The following ZHX3 variants were observed in gnomAD, a reference collection of about 807,000 sequenced individuals.
ZHX3 encodes zinc fingers and homeoboxes protein 3.
ZHX3 carries 20 observed loss-of-function variants against 64.5 expected under a neutral mutation model. That is an observed-to-expected ratio of 0.31 (90% CI 0.22 to 0.45). The LOEUF is 0.45. ZHX3 is among the 20% of genes least tolerant of loss of function. The pLI is 1.00. For missense variants in ZHX3, 1,041 were observed against 1,195.8 expected, an observed-to-expected ratio of 0.87 and a Z score of 1.91; for synonymous variants, 423 against 461.6, an observed-to-expected ratio of 0.92 and a Z score of 1.07.
intron 2 of ZHX3, chr20:41,213,990 A>G (rs1466663420): frequency 6.6e-6 from 1 of 152,200 alleles, no homozygotes. Context: ...TGGGAGGATC[A>G]CCTGAGCCCA....
At chr20:41,229,085 T>C (rs1178418040) in intron 2 of ZHX3, among the ~76,000 whole-genome samples, 1 of 152,132 alleles carries the variant, frequency 6.6e-6, no homozygotes, top group Admixed American at 6.5e-5. Flanking sequence ...TGCCCACCCC[T>C]GACTCCTGAC....
At chr20:41,278,483 A>AT (rs1339729193) in intron 1 of ZHX3, among the ~76,000 whole-genome samples, 1 of 141,056 alleles carries the variant, frequency 7.1e-6, no homozygotes, top group East Asian at 2.1e-4. Context: ...ACATATTGGT[A>AT]TTTTTTCTCA....
chr20:41,256,195 C>T (rs1447699250), intron 2 of ZHX3, among the ~76,000 whole-genome samples: 1 of 152,114 alleles, frequency 6.6e-6, no homozygotes, highest in Non-Finnish European at 1.5e-5. Context: ...GGTGTGCTGG[C>T]TGATTTAGGC....
At chr20:41,307,745 C>A (rs2045020526) in intron 1 of ZHX3, among the ~76,000 whole-genome samples, 1 of 152,208 alleles carries the variant, frequency 6.6e-6, no homozygotes, top group Non-Finnish European at 1.5e-5. Context: ...AAGATCCAGT[C>A]TGAATACAAA....
rs1477994442 is a variant in ZHX3 at position 41,178,466 on chromosome 20, TTTTA to T, written c.*6721_*6724del. On this transcript the variant is annotated 3_prime_UTR_variant, in exon 4 of 4. Coordinates refer to ENST00000683867, the MANE Select transcript of ZHX3 (RefSeq NM_001384317.1). ...CAGCAGATGTGAAATATATTTATGT[TTTTA>T]TTTAGGAATAATCAAAAGGTTTGAA... 1 of 152,564 alleles carries T rather than the reference TTTTA, an allele frequency of 6.6e-6. No homozygotes were observed. The highest frequency in any genetic ancestry group is 1.5e-5 in the Non-Finnish European group (1 of 68,056). The allele number at this position is 152,564 out of a possible 1,614,324, so 9.5% of individuals were successfully genotyped here.
intron 2 of ZHX3, among the ~76,000 whole-genome samples, chr20:41,207,647 G>A: frequency 6.6e-6 from 1 of 152,242 alleles, no homozygotes; most frequent in Non-Finnish European, 1.5e-5. Context: ...TGAAACCAAT[G>A]AGAACAAAGA....
At chr20:41,188,721 G>C (rs1306992029) in intron 3 of ZHX3, among the ~76,000 whole-genome samples, 1 of 151,644 alleles carries the variant, frequency 6.6e-6, no homozygotes, top group Admixed American at 6.6e-5. Flanking sequence ...TTTTTAATAT[G>C]ATTTTTTGTT....
chr20:41,190,193 G>A (rs1234264094), intron 3 of ZHX3, among the ~76,000 whole-genome samples: 1 of 152,136 alleles, frequency 6.6e-6, no homozygotes, highest in Non-Finnish European at 1.5e-5. Context: ...CCAGGCGGAA[G>A]CACAGGGGTG....
intron 1 of ZHX3, among the ~76,000 whole-genome samples, chr20:41,295,990 G>T (rs6129804): frequency 0.26 from 38,881 of 151,960 alleles, 5,683 homozygotes; most frequent in East Asian, 0.69. Context: ...CCTTTATAAT[G>T]CTATTTAAGT....
At chr20:41,309,941 T>C (rs763919386) in intron 1 of ZHX3, among the ~76,000 whole-genome samples, 25 of 152,286 alleles carry the variant, frequency 1.6e-4, no homozygotes, top group South Asian at 1.2e-3. Flanking sequence ...CAGTAATTAA[T>C]TGCTCCAACT....
At chr20:41,244,876 A>T (rs1313569632) in intron 2 of ZHX3, among the ~76,000 whole-genome samples, 1 of 151,948 alleles carries the variant, frequency 6.6e-6, no homozygotes, top group Non-Finnish European at 1.5e-5. Flanking sequence ...CTCACCTCTC[A>T]CCCTTGGAAG....
rs1173041893 is a variant in ZHX3, at chr20:41,226,810, G to A, written c.-150-21744C>T. Among the ~76,000 whole-genome samples, 1 of 152,140 alleles carries A rather than the reference G, an allele frequency of 6.6e-6. No individual in the cohort carries two copies. The highest frequency in any genetic ancestry group is 2.4e-5 in the African/African-American group (1 of 41,422). Reference sequence around the variant, plus strand: ...CCTTTCCTATCCCTTTCTGTTGGAAGAACTCTAGGTTCCTCATCCAGAGAA... The same window carrying A: ...CCTTTCCTATCCCTTTCTGTTGGAAAAACTCTAGGTTCCTCATCCAGAGAA... On this transcript the variant is annotated intron_variant, in intron 2 of 3. Transcript: ENST00000683867. This position sits in a 1 kb window ranked among gnomAD's most constrained non-coding sequence, Gnocchi z 4.4.
chr20:41,236,259 TG>T (rs1348751473), intron 2 of ZHX3, among the ~76,000 whole-genome samples: 9 of 152,122 alleles, frequency 5.9e-5, no homozygotes, highest in Non-Finnish European at 1.0e-4. Context: ...TTCACAGAAT[TG>T]GAAAAAACTA....
chr20:41,239,045 C>T (rs2041208002), intron 2 of ZHX3, among the ~76,000 whole-genome samples: 1 of 143,630 alleles, frequency 7.0e-6, no homozygotes, highest in South Asian at 2.2e-4. Context: ...CTCTGTCGCC[C>T]AGGCTGGAGT....
chr20:41,316,399 C>T (rs894946062), intron 1 of ZHX3, among the ~76,000 whole-genome samples: 2 of 152,066 alleles, frequency 1.3e-5, no homozygotes, highest in East Asian at 1.9e-4. Context: ...CAGAATTATC[C>T]GGCAAAATAC....
rs1442111960 is a variant in ZHX3 at position 41,200,884 on chromosome 20, AAATG to A, written c.2860+1169_2860+1172del. 6.6e-6 allele frequency among the ~76,000 whole-genome samples: 1 copy of A among 152,268 alleles called. No homozygotes were observed. Among genetic ancestry groups the A allele is most frequent in the African/African-American group, 2.4e-5 (1 of 41,474 alleles). ...AACTATGTTTCAAACTGTTGTGTTC[AAATG>A]AATTTAAAATATTCAGAGAAAGAAA... On this transcript the variant is annotated intron_variant, in intron 3 of 3. Coordinates refer to ENST00000683867, the MANE Select transcript of ZHX3 (RefSeq NM_001384317.1). This position sits in a 1 kb window ranked among gnomAD's most constrained non-coding sequence, Gnocchi z 4.2.
chr20:41,219,460 T>C lies in ZHX3; in HGVS notation c.-150-14394A>G, dbSNP rs1161040900. ...CCACTACCAGGTGGTTAGGATGGCC[T>C]ATACCTGAAGATCTCCAAAGATAGG... On this transcript the variant is annotated intron_variant, in intron 2 of 3. Coordinates refer to ENST00000683867, the MANE Select transcript of ZHX3 (RefSeq NM_001384317.1). The surrounding 1 kb of genome is among the most constrained non-coding windows in gnomAD (Gnocchi z 5.0). 6.6e-6 allele frequency among the ~76,000 whole-genome samples: 1 copy of C among 152,256 alleles called. No homozygotes were observed. Among genetic ancestry groups the C allele is most frequent in the Non-Finnish European group, 1.5e-5 (1 of 68,042 alleles).
intron 1 of ZHX3, among the ~76,000 whole-genome samples, chr20:41,292,014 A>T (rs1046005279): frequency 7.5e-4 from 18 of 24,114 alleles, no homozygotes; most frequent in Non-Finnish European, 1.1e-3. Flanking sequence ...CCTCATCTTT[A>T]AAAAAAAAAA....
chr20:41,198,172 A>AT (rs2037915499), intron 3 of ZHX3, among the ~76,000 whole-genome samples: 1 of 151,734 alleles, frequency 6.6e-6, no homozygotes, highest in African/African-American at 2.4e-5. Flanking sequence ...TAAGTTTTGT[A>AT]TTTTTTGTAG....
Sources: gnomAD v4.1 joint callset for allele counts (sites outside exome capture counted in the v4.1 genomes callset) on GRCh38, gnomAD v4.1.1 for gene constraint, Gnocchi (gnomAD v3.1) non-coding constraint, MANE v1.5 for transcripts, NCBI Gene and HGNC (gene_info 2026-07-23, HGNC 2026-07-21) for gene names.